PPA1: variants seen among roughly 807,000 people sequenced by gnomAD.
PPA1 encodes inorganic pyrophosphatase.
In PPA1, 23 loss-of-function variants were observed where a neutral mutation model predicts 41.8. The observed-to-expected ratio is 0.55, with a 90% CI of 0.40 to 0.78. The LOEUF is 0.78. Ranked by LOEUF, PPA1 falls within the 30% of genes least tolerant of loss-of-function variation. The pLI, the probability that PPA1 is intolerant of heterozygous loss-of-function variation, is 0.00. For synonymous variants in PPA1, 101 were observed against 116.8 expected (o/e 0.86, Z 0.87); for missense variants, 320 against 361.6 (o/e 0.89, Z 0.93).
At chr10:70,226,372 G>A (rs1364446106) in intron 2 of PPA1, among the ~76,000 whole-genome samples, 3 of 151,874 alleles carry the variant, frequency 2.0e-5, no homozygotes, top group Admixed American at 6.6e-5. Context: ...TCAGGAGTTC[G>A]AGACCAGCGA....
chr10:70,217,435 A>G (rs1451224991), intron 4 of PPA1, among the ~76,000 whole-genome samples: 1 of 152,154 alleles, frequency 6.6e-6, no homozygotes, highest in Admixed American at 6.5e-5. Context: ...GGAATTGGCC[A>G]TCTTGGGATT....
intron 1 of PPA1, 145 bp downstream of exon 1, chr10:70,233,119 C>T: frequency 1.1e-6 from 1 of 912,536 alleles, no homozygotes; most frequent in Non-Finnish European, 1.5e-6. Context: ...CAATGTGAGG[C>T]CGGCCAGGCC....
At chr10:70,206,711 G>A (rs1798827911) in intron 8 of PPA1, among the ~76,000 whole-genome samples, 1 of 151,330 alleles carries the variant, frequency 6.6e-6, no homozygotes, top group Non-Finnish European at 1.5e-5. Flanking sequence ...GGGCATGGTG[G>A]CGCATGCCTG....
intron 2 of PPA1, among the ~76,000 whole-genome samples, chr10:70,225,921 T>C (rs900864233): frequency 6.6e-6 from 1 of 152,174 alleles, no homozygotes; most frequent in Non-Finnish European, 1.5e-5. Flanking sequence ...CTGAAGTATT[T>C]CATCGAAAGT....
At position 70,211,473 on chromosome 10, in the gene PPA1, G is replaced by C. The variant is rs563491351; in HGVS notation, c.512-1788C>G. Among the ~76,000 whole-genome samples the C allele has an allele frequency of 1.1e-4, 16 of 152,176 alleles. No individual in the cohort carries two copies. The East Asian group carries it at 3.1e-3, about 29-fold the overall frequency. On this transcript the variant is annotated intron_variant, in intron 6 of 10. Transcript: ENST00000373232. ...AGGGGTTTCTACAATCCTCTCCCCA[G>C]GTCCCCTAATTTGCTAAAATGGTTC...
intron 2 of PPA1, among the ~76,000 whole-genome samples, chr10:70,230,095 G>C (rs1423773817): frequency 3.9e-5 from 6 of 152,126 alleles, no homozygotes; most frequent in African/African-American, 1.4e-4. Context: ...TTTTTGTAGA[G>C]ACAGGGTTTC....
rs578185512 is a variant in PPA1 at position 70,220,925 on chromosome 10, T to TTA, written c.124-2110_124-2109dup. 4.1e-3 allele frequency among the ~76,000 whole-genome samples: 21 copies of TTA among 5,070 alleles called. 2 individuals are homozygous for TTA. Among genetic ancestry groups the TTA allele is most frequent in the African/African-American group, 8.1e-3 (9 of 1,108 alleles). The allele number at this position is 5,070 out of a possible 152,430, so 3.3% of individuals were successfully genotyped here. On this transcript the variant is annotated intron_variant, in intron 2 of 10. Coordinates refer to ENST00000373232, the MANE Select transcript of PPA1 (RefSeq NM_021129.4). ...AATTTATATATAATATATATAATTT[T>TTA]TATATATACTATATATATAATTTAT...
Position 70,209,299 on chromosome 10 carries a change from T to C in PPA1, c.640-9A>G. The C allele has an allele frequency of 6.4e-7, 1 of 1,553,474 alleles. No homozygotes were observed. Among genetic ancestry groups the C allele is most frequent in the Non-Finnish European group, 8.9e-7 (1 of 1,128,824 alleles). On this transcript the variant is annotated splice_polypyrimidine_tract_variant and intron_variant, in intron 7 of 10. Transcript: ENST00000373232. ...ATATCAATGGCAAAGTCCTATAATT[T>C]GAAGAGGTTTGCATTACAATGATAA...
intron 7 of PPA1, 24 bp downstream of exon 7, chr10:70,209,534 C>A: frequency 6.3e-7 from 1 of 1,578,392 alleles, no homozygotes; most frequent in Non-Finnish European, 8.6e-7. Flanking sequence ...GAGCCTAAAG[C>A]TACAGTTCTG....
At chr10:70,229,618 A>G (rs1000041882) in intron 2 of PPA1, among the ~76,000 whole-genome samples, 10 of 152,228 alleles carry the variant, frequency 6.6e-5, no homozygotes, top group African/African-American at 2.4e-4. Flanking sequence ...TAACGGTACT[A>G]GCCCGTTACT....
At position 70,213,553 on chromosome 10, in the gene PPA1, G is replaced by C. The variant is rs1487731782; in HGVS notation, c.421C>G (p.Leu141Val). The C allele has an allele frequency of 7.4e-6, 12 of 1,613,748 alleles. No individual in the cohort carries two copies. The African/African-American group carries it at 1.3e-4, about 18-fold the overall frequency. The change falls in exon 6 of 11, where the codon CTA becomes GTA. Residue 141 changes from leucine to valine, a missense_variant. Physicochemically the swap from Leu to Val is conservative, Grantham distance 32 (BLOSUM62 1). Transcript: ENST00000373232. ...TCGTCAATCATAGCCAATATGCCTA[G>C]AACTTTCACGCCAATTATTTCACCT... is the stretch of plus-strand genomic sequence containing the variant. ...ARGEIIGVKV[L>V]GILAMIDEGE...
At chr10:70,207,188 A>C (rs959244372) in intron 8 of PPA1, among the ~76,000 whole-genome samples, 1 of 152,170 alleles carries the variant, frequency 6.6e-6, no homozygotes, top group Non-Finnish European at 1.5e-5. Flanking sequence ...CTGAAACGGT[A>C]ATTTACAAAG....
At chr10:70,232,201 C>A (rs80349070) in intron 1 of PPA1, among the ~76,000 whole-genome samples, 2,386 of 152,272 alleles carry the variant, frequency 0.016, 59 homozygotes, top group African/African-American at 0.055. Context: ...TCCTTCAATG[C>A]CTATTCATTC....
chr10:70,221,045 A>G (rs1840155650), intron 2 of PPA1, among the ~76,000 whole-genome samples: 1 of 64,654 alleles, frequency 1.5e-5, no homozygotes, highest in South Asian at 4.3e-4. Context: ...TATAAATTAT[A>G]TATATATATA....
At chr10:70,216,545 C>CA (rs1343188018) in intron 4 of PPA1, among the ~76,000 whole-genome samples, 1 of 151,606 alleles carries the variant, frequency 6.6e-6, no homozygotes, top group Non-Finnish European at 1.5e-5. Context: ...TTAAGACAAA[C>CA]AAATGACTTT....
At chr10:70,217,782 T>C (rs372546677) in intron 4 of PPA1, 30 bp downstream of exon 4, 54 of 1,499,478 alleles carry the variant, frequency 3.6e-5, no homozygotes, top group Non-Finnish European at 4.7e-5. Context: ...AGCTAAAAAG[T>C]ACATTGTCAG....
chr10:70,206,250 A>G lies in PPA1; in HGVS notation c.795+14T>C, dbSNP rs770731214. On this transcript the variant is annotated intron_variant, in intron 9 of 10. Coordinates refer to ENST00000373232, the MANE Select transcript of PPA1 (RefSeq NM_021129.4). Reference sequence around the variant, plus strand: ...AACCAGGCTTGTTTTTTTTTTAAGGAAACTTTTACATACAGCATCCACAAT... The same window carrying G: ...AACCAGGCTTGTTTTTTTTTTAAGGGAACTTTTACATACAGCATCCACAAT... The G allele has an allele frequency of 5.0e-6, 8 of 1,596,194 alleles. No individual in the cohort carries two copies. The highest frequency in any genetic ancestry group is 1.1e-5 in the South Asian group (1 of 89,144).
At chr10:70,232,722 C>T (rs1285771285) in intron 1 of PPA1, among the ~76,000 whole-genome samples, 2 of 152,076 alleles carry the variant, frequency 1.3e-5, no homozygotes, top group African/African-American at 2.4e-5. Context: ...AGGACCGGTC[C>T]AGCGCCTTCA....
In PPA1 at chr10:70,210,942, ATT is replaced by A. The variant is rs1490529787; in HGVS notation, c.512-1259_512-1258del. The stretch of plus-strand genomic sequence containing the variant: ...CACCATGCCTGGCTAATTTTTTTGT[ATT>A]TTTAGTAGAGATGGGGTTTCGTGTT... On this transcript the variant is annotated intron_variant, in intron 6 of 10. Coordinates refer to ENST00000373232, the MANE Select transcript of PPA1 (RefSeq NM_021129.4). Among the ~76,000 whole-genome samples, 4 of 151,934 alleles carry A rather than the reference ATT, an allele frequency of 2.6e-5. No homozygotes were observed. In the East Asian group the frequency reaches 5.8e-4, roughly 22 times the overall value.
Sources: gnomAD v4.1 joint callset for allele counts (sites outside exome capture counted in the v4.1 genomes callset) on GRCh38, gnomAD v4.1.1 for gene constraint, MANE v1.5 for transcripts, NCBI Gene and HGNC (gene_info 2026-07-23, HGNC 2026-07-21) for gene names.